HECW1: variants seen among roughly 807,000 people sequenced by gnomAD.
HECW1 encodes the protein E3 ubiquitin-protein ligase HECW1.
In HECW1, 61 loss-of-function variants were observed where a neutral mutation model predicts 182.3. That is an observed-to-expected ratio of 0.33 (90% CI 0.27 to 0.41). HECW1 has a LOEUF of 0.41. Among genes scored for constraint, HECW1 ranks in the 10% least tolerant of loss-of-function variants. The pLI is 1.00. For synonymous variants in HECW1, 859 were observed against 832.6 expected (o/e 1.03, Z -0.55); for missense variants, 1,739 against 2,108.9 (o/e 0.82, Z 3.44).
At chr7:43,138,158 A>G (rs573321987) in intron 2 of HECW1, among the ~76,000 whole-genome samples, 2 of 152,156 alleles carry the variant, frequency 1.3e-5, no homozygotes, top group South Asian at 4.1e-4. Flanking sequence ...TAACCCTCCA[A>G]CTGGGAGAGG....
At chr7:43,120,427 T>A (rs923292066) in intron 2 of HECW1, among the ~76,000 whole-genome samples, 4 of 152,184 alleles carry the variant, frequency 2.6e-5, no homozygotes, top group African/African-American at 9.7e-5. Context: ...GCTTATGTGC[T>A]ATTCTCTGTC....
intron 24 of HECW1, among the ~76,000 whole-genome samples, chr7:43,524,039 G>A (rs1157887909): frequency 6.6e-6 from 1 of 152,124 alleles, no homozygotes; most frequent in African/African-American, 2.4e-5. Context: ...GGAATGGGTG[G>A]TTCTCAAATT....
Position 43,340,122 on chromosome 7 carries a change from T to G in HECW1, c.460+19380T>G, listed in dbSNP as rs766739866. ...ACTGCTCTGCAGTGCCTGGAAACAT[T>G]TTGTTTTAAAATCAGCTTACTTAGT... On this transcript the variant is annotated intron_variant, in intron 5 of 29. Coordinates refer to ENST00000395891, the MANE Select transcript of HECW1 (RefSeq NM_015052.5). 2.9e-4 allele frequency among the ~76,000 whole-genome samples: 44 copies of G among 151,836 alleles called. 1 individual carries two copies. The highest frequency in any genetic ancestry group is 3.2e-3 in the Middle Eastern group (1 of 316).
At chr7:43,301,654 CTT>C (rs1806798995) in intron 3 of HECW1, among the ~76,000 whole-genome samples, 1 of 152,112 alleles carries the variant, frequency 6.6e-6, no homozygotes, top group African/African-American at 2.4e-5. Flanking sequence ...AGGTGGATCA[CTT>C]GAGGTCAGGA....
At chr7:43,179,847 A>G (rs1330113664) in intron 2 of HECW1, among the ~76,000 whole-genome samples, 2 of 152,292 alleles carry the variant, frequency 1.3e-5, no homozygotes, top group Non-Finnish European at 2.9e-5. Context: ...ATTGAGATTT[A>G]TTTATCACCA....
At chr7:43,171,469 G>C (rs890489044) in intron 2 of HECW1, among the ~76,000 whole-genome samples, 1 of 152,122 alleles carries the variant, frequency 6.6e-6, no homozygotes, top group African/African-American at 2.4e-5. Flanking sequence ...CAGCCACTGC[G>C]TGCTGGCCAG....
intron 16 of HECW1, among the ~76,000 whole-genome samples, chr7:43,475,712 T>C (rs2078196511): frequency 6.6e-6 from 1 of 152,022 alleles, no homozygotes; most frequent in Non-Finnish European, 1.5e-5. Flanking sequence ...CCACTACGCC[T>C]AGCTTTTTTG....
intron 21 of HECW1, among the ~76,000 whole-genome samples, chr7:43,501,838 AT>A (rs1205966980): frequency 2.4e-4 from 37 of 152,276 alleles, no homozygotes; most frequent in Middle Eastern, 3.4e-3. Flanking sequence ...CTAAAAAAAA[AT>A]AAAAAAGAAA....
chr7:43,479,855 G>T, intron 17 of HECW1, 111 bp downstream of exon 17: 1 of 1,318,706 alleles, frequency 7.6e-7, no homozygotes. Context: ...TGCGCTGGAA[G>T]AGATTAAGCC....
intron 16 of HECW1, among the ~76,000 whole-genome samples, chr7:43,475,038 A>G (rs1274771188): frequency 6.6e-6 from 1 of 152,210 alleles, no homozygotes; most frequent in Non-Finnish European, 1.5e-5. Flanking sequence ...AAGGTGAAAA[A>G]GTGCTGGGGA....
At chr7:43,185,307 A>G (rs111251783) in intron 2 of HECW1, among the ~76,000 whole-genome samples, 19 of 152,304 alleles carry the variant, frequency 1.2e-4, no homozygotes, top group African/African-American at 4.1e-4. Flanking sequence ...ATCATCTGCA[A>G]TATCCTTTAC....
At chr7:43,501,396 CA>C (rs888308383) in intron 21 of HECW1, 74 bp downstream of exon 21, 7 of 824,172 alleles carry the variant, frequency 8.5e-6, no homozygotes, top group African/African-American at 8.5e-5. Flanking sequence ...GAATGAAAGG[CA>C]ACTGTATGTG....
At chr7:43,283,362 G>A (rs888332665) in intron 3 of HECW1, among the ~76,000 whole-genome samples, 3 of 152,286 alleles carry the variant, frequency 2.0e-5, no homozygotes, top group Middle Eastern at 3.4e-3. Context: ...GTATGTGTGA[G>A]AATCCAGCTG....
At chr7:43,289,232 G>A (rs542801668) in intron 3 of HECW1, among the ~76,000 whole-genome samples, 25 of 151,778 alleles carry the variant, frequency 1.6e-4, no homozygotes, top group Admixed American at 9.2e-4. Context: ...TCAGCCTCCC[G>A]AGTAGATGGG....
intron 2 of HECW1, among the ~76,000 whole-genome samples, chr7:43,221,217 A>C (rs1051525851): frequency 6.6e-6 from 1 of 152,158 alleles, no homozygotes; most frequent in Non-Finnish European, 1.5e-5. Flanking sequence ...GCTGTGAGTC[A>C]ACAGTTGCCA....
At chr7:43,288,448 T>A (rs923646346) in intron 3 of HECW1, among the ~76,000 whole-genome samples, 12 of 152,200 alleles carry the variant, frequency 7.9e-5, no homozygotes, top group African/African-American at 1.9e-4. Context: ...AACACCCTCC[T>A]TAAAGAGAAA....
chr7:43,307,970 CTT>C (rs1807837858), intron 3 of HECW1, among the ~76,000 whole-genome samples: 2 of 121,920 alleles, frequency 1.6e-5, no homozygotes, highest in African/African-American at 6.3e-5. Context: ...TACTGTATAT[CTT>C]ATATATTATA....
chr7:43,221,557 T>TTG, intron 2 of HECW1, among the ~76,000 whole-genome samples: 1 of 100,154 alleles, frequency 1.0e-5, no homozygotes, highest in African/African-American at 3.7e-5. Context: ...TTTTTTTTTT[T>TTG]TTTTTTTTTT....
chr7:43,250,607 C>T (rs1360874849), intron 3 of HECW1, among the ~76,000 whole-genome samples: 1 of 152,138 alleles, frequency 6.6e-6, no homozygotes, highest in East Asian at 1.9e-4. Context: ...CTGTGTGTAC[C>T]TGCCCTGCCT....
Sources: gnomAD v4.1 joint callset for allele counts (sites outside exome capture counted in the v4.1 genomes callset) on GRCh38, gnomAD v4.1.1 for gene constraint, MANE v1.5 for transcripts, NCBI Gene and HGNC (gene_info 2026-07-23, HGNC 2026-07-21) for gene names.